Variants in TMEM131L observed in about 807,000 individuals in gnomAD.
TMEM131L encodes transmembrane protein 131-like.
In TMEM131L, 54 loss-of-function variants were observed where a neutral mutation model predicts 192.2. The ratio of observed to expected loss-of-function variants is 0.28; its 90% CI spans 0.23 to 0.35. The LOEUF is 0.35. Ranked by LOEUF, TMEM131L falls within the 10% of genes least tolerant of loss-of-function variation. The pLI is 1.00. For synonymous variants in TMEM131L, 701 were observed against 704.9 expected (o/e 0.99, Z 0.09); for missense variants, 1,888 against 1,972.9 (o/e 0.96, Z 0.82).
chr4:153,611,449 A>T (rs1384352162), intron 25 of TMEM131L, among the ~76,000 whole-genome samples: 1 of 152,268 alleles, frequency 6.6e-6, no homozygotes, highest in Non-Finnish European at 1.5e-5. Context: ...GCTTAAAAAC[A>T]TGTATATATA....
chr4:153,576,504 T>G (rs1016856287), intron 7 of TMEM131L, among the ~76,000 whole-genome samples: 2 of 152,196 alleles, frequency 1.3e-5, no homozygotes, highest in Non-Finnish European at 2.9e-5. Context: ...GACAAAATAT[T>G]AGGCTTTAAA....
At chr4:153,620,449 A>C (rs1008992771) in intron 26 of TMEM131L, among the ~76,000 whole-genome samples, 1 of 152,208 alleles carries the variant, frequency 6.6e-6, no homozygotes, top group African/African-American at 2.4e-5. Context: ...TTAACAGGTG[A>C]AGGTTGGAGG....
intron 3 of TMEM131L, among the ~76,000 whole-genome samples, chr4:153,510,873 T>C (rs77567579): frequency 1.3e-5 from 2 of 150,772 alleles, no homozygotes; most frequent in African/African-American, 4.9e-5. Flanking sequence ...GACAATGTAG[T>C]GAGACCCTGT....
intron 3 of TMEM131L, among the ~76,000 whole-genome samples, chr4:153,527,978 G>C (rs1407369910): frequency 6.6e-6 from 1 of 152,166 alleles, no homozygotes; most frequent in Non-Finnish European, 1.5e-5. Flanking sequence ...AGTTCAGTTT[G>C]TGTGTTGTGC....
In TMEM131L at chr4:153,467,175, A is replaced by G. The variant is rs747102294; in HGVS notation, c.125-36A>G. ...AACAGGAAGCGTTTCTTTAGCGTGC[A>G]TTAAAAACGTGGTGTATTTTTTGGT... is the stretch of plus-strand genomic sequence containing the variant. On this transcript the variant is annotated intron_variant, in intron 1 of 34. Coordinates refer to ENST00000409959, the MANE Select transcript of TMEM131L (RefSeq NM_001131007.2). 5 of 1,546,876 alleles carry G rather than the reference A, an allele frequency of 3.2e-6. No homozygotes were observed. The South Asian group carries it at 3.6e-5, about 11-fold the overall frequency.
At chr4:153,492,918 G>A (rs1732888892) in intron 3 of TMEM131L, among the ~76,000 whole-genome samples, 1 of 152,188 alleles carries the variant, frequency 6.6e-6, no homozygotes, top group African/African-American at 2.4e-5. Flanking sequence ...TTGATAAGGA[G>A]TAGGGGAAAG....
chr4:153,588,411 T>A (rs901123519), intron 15 of TMEM131L, among the ~76,000 whole-genome samples: 1 of 150,714 alleles, frequency 6.6e-6, no homozygotes, highest in African/African-American at 2.5e-5. Flanking sequence ...ACAAATCTGT[T>A]GGTAGAATGA....
chr4:153,572,776 C>T (rs1356582269), intron 7 of TMEM131L, among the ~76,000 whole-genome samples: 1 of 152,198 alleles, frequency 6.6e-6, no homozygotes, highest in African/African-American at 2.4e-5. Flanking sequence ...AGTACATTCA[C>T]AGTGTTGTAC....
chr4:153,616,253 C>T (rs1288001439), intron 26 of TMEM131L, among the ~76,000 whole-genome samples: 3 of 152,124 alleles, frequency 2.0e-5, no homozygotes, highest in African/African-American at 4.8e-5. Flanking sequence ...TGCAGATTTG[C>T]GGGCAGTGGT....
intron 20 of TMEM131L, among the ~76,000 whole-genome samples, chr4:153,597,950 A>C (rs1028067944): frequency 2.6e-5 from 4 of 152,132 alleles, no homozygotes; most frequent in African/African-American, 4.8e-5. Flanking sequence ...AATAAATAAA[A>C]ATTTAAAAAA....
chr4:153,597,097 T>C (rs1008911924), intron 20 of TMEM131L, among the ~76,000 whole-genome samples: 5 of 152,088 alleles, frequency 3.3e-5, no homozygotes, highest in Admixed American at 6.6e-5. Context: ...TGGCAAAAAA[T>C]TTATTATTCA....
At chr4:153,531,753 G>A (rs1735918148) in intron 3 of TMEM131L, among the ~76,000 whole-genome samples, 1 of 152,188 alleles carries the variant, frequency 6.6e-6, no homozygotes, top group South Asian at 2.1e-4. Flanking sequence ...TAAGAAGAGA[G>A]GTCAAGGGAT....
At chr4:153,486,837 G>A (rs1732372114) in intron 3 of TMEM131L, among the ~76,000 whole-genome samples, 1 of 152,236 alleles carries the variant, frequency 6.6e-6, no homozygotes, top group African/African-American at 2.4e-5. Context: ...TAGTCATAGG[G>A]AGCACAACCC....
intron 3 of TMEM131L, among the ~76,000 whole-genome samples, chr4:153,539,866 T>C (rs1055257834): frequency 6.6e-6 from 1 of 151,178 alleles, no homozygotes; most frequent in African/African-American, 2.4e-5. Context: ...ATTCCAGCAC[T>C]ATGGGAGGCC....
Position 153,596,284 on chromosome 4 carries a change from T to C in TMEM131L, c.2022T>C (p.Phe674=). 6.2e-7 allele frequency: 1 copy of C among 1,613,986 alleles called. No individual in the cohort carries two copies. The highest frequency in any genetic ancestry group is 8.5e-7 in the Non-Finnish European group (1 of 1,179,868). Residue 674 remains phenylalanine, a synonymous_variant, in exon 20 of 35, where the codon TTT becomes TTC. Coordinates refer to ENST00000409959, the MANE Select transcript of TMEM131L (RefSeq NM_001131007.2). ...GTACGCATTCTGAGGAATCCAGGTT[T>C]GGCATCCTCCACTTACATCTGCAGC... is the stretch of plus-strand genomic sequence containing the variant. ...YLGTHSEESR[F]GILHLHLQPL... is the part of the protein sequence containing the mutation.
chr4:153,469,468 G>A (rs1376060445), intron 2 of TMEM131L, among the ~76,000 whole-genome samples: 4 of 152,146 alleles, frequency 2.6e-5, no homozygotes, highest in Admixed American at 2.6e-4. Context: ...GTCAAACGGA[G>A]TCTGTTGAAA....
At position 153,604,992 on chromosome 4, in the gene TMEM131L, C is replaced by T. The variant is rs539324292; in HGVS notation, c.3418+562C>T. On this transcript the variant is annotated intron_variant, in intron 25 of 34. Transcript: ENST00000409959. ...TGCTGGGATTATAGGCGTGAGCCAC[C>T]GAACCTGGCCTAAATTATTTTTTTT... Among the ~76,000 whole-genome samples the T allele has an allele frequency of 1.2e-3, 186 of 152,202 alleles. 1 individual carries two copies. Among genetic ancestry groups the T allele is most frequent in the Admixed American group, 2.2e-3 (34 of 15,290 alleles).
chr4:153,623,813 T>G (rs1733624697), intron 29 of TMEM131L, among the ~76,000 whole-genome samples: 1 of 152,214 alleles, frequency 6.6e-6, no homozygotes, highest in Admixed American at 6.5e-5. Context: ...TGAGAAAGTT[T>G]GAGAAAGTTA....
intron 3 of TMEM131L, among the ~76,000 whole-genome samples, chr4:153,528,479 T>C (rs148222224): frequency 1.8e-3 from 274 of 152,328 alleles, no homozygotes; most frequent in South Asian, 6.8e-3. Flanking sequence ...TTAGGGGCTT[T>C]AAAAACAACA....
Sources: gnomAD v4.1 joint callset for allele counts (sites outside exome capture counted in the v4.1 genomes callset) on GRCh38, gnomAD v4.1.1 for gene constraint, MANE v1.5 for transcripts, NCBI Gene and HGNC (gene_info 2026-07-23, HGNC 2026-07-21) for gene names.